The following PHF20 variants were observed in gnomAD, a reference collection of about 807,000 sequenced individuals.
PHF20 encodes the protein PHD finger protein 20.
In PHF20, 23 loss-of-function variants were observed where a neutral mutation model predicts 113.5. The ratio of observed to expected loss-of-function variants is 0.20; its 90% CI spans 0.15 to 0.29. PHF20 has a LOEUF of 0.29. Among genes scored for constraint, PHF20 ranks in the 10% least tolerant of loss-of-function variants. The pLI is 1.00. For synonymous variants in PHF20, 434 were observed against 457.3 expected (o/e 0.95, Z 0.65); for missense variants, 943 against 1,219.6 (o/e 0.77, Z 3.38).
At chr20:35,814,813 C>T (rs1432237240) in intron 2 of PHF20, among the ~76,000 whole-genome samples, 1 of 133,174 alleles carries the variant, frequency 7.5e-6, no homozygotes, top group African/African-American at 2.8e-5. Flanking sequence ...GCGGAGCTTG[C>T]AATGAGCCGA....
chr20:35,828,643 C>A (rs752486732), intron 2 of PHF20, among the ~76,000 whole-genome samples: 7 of 152,204 alleles, frequency 4.6e-5, no homozygotes, highest in Non-Finnish European at 1.0e-4. Context: ...TAGACCTGTA[C>A]TGTTCTCTGC....
At chr20:35,906,581 G>A (rs1473188730) in intron 10 of PHF20, among the ~76,000 whole-genome samples, 1 of 152,098 alleles carries the variant, frequency 6.6e-6, no homozygotes, top group Non-Finnish European at 1.5e-5. Flanking sequence ...CTTTCTCCCC[G>A]TTGTTGCCCC....
intron 1 of PHF20, among the ~76,000 whole-genome samples, chr20:35,798,262 A>G (rs758190241): frequency 6.6e-6 from 1 of 151,722 alleles, no homozygotes; most frequent in Admixed American, 6.6e-5. Context: ...CCAGATAACA[A>G]ATTAGCTGGG....
intron 10 of PHF20, among the ~76,000 whole-genome samples, chr20:35,899,878 G>T (rs1255205482): frequency 6.6e-6 from 1 of 152,140 alleles, no homozygotes; most frequent in Admixed American, 6.5e-5. Flanking sequence ...GCCTCTGAAG[G>T]CCTTGCTGCT....
At chr20:35,913,139 G>C (rs2147082498) in intron 10 of PHF20, 110 bp from the exon 11 acceptor site, 1 of 533,926 alleles carries the variant, frequency 1.9e-6, no homozygotes, top group Non-Finnish European at 3.5e-6. Context: ...ATCTGCTCCA[G>C]ACTTCCCAGG....
chr20:35,813,947 A>G (rs1049870931), intron 2 of PHF20, among the ~76,000 whole-genome samples: 7 of 150,860 alleles, frequency 4.6e-5, no homozygotes, highest in Non-Finnish European at 1.0e-4. Flanking sequence ...AAAAAAAAAA[A>G]AAAAAAAAAA....
intron 17 of PHF20, 56 bp downstream of exon 17, chr20:35,941,103 C>T (rs548218431): frequency 2.6e-5 from 38 of 1,460,474 alleles, no homozygotes; most frequent in East Asian, 9.2e-5. Context: ...CACCCCCAGA[C>T]GAGCTGCTTT....
At chr20:35,891,846 T>C (rs2054870224) in intron 9 of PHF20, among the ~76,000 whole-genome samples, 1 of 152,054 alleles carries the variant, frequency 6.6e-6, no homozygotes, top group Non-Finnish European at 1.5e-5. Context: ...TTTTTTGTTA[T>C]TCTATTTTTT....
At chr20:35,896,254 G>C (rs1240667630) in intron 9 of PHF20, among the ~76,000 whole-genome samples, 3 of 152,036 alleles carry the variant, frequency 2.0e-5, no homozygotes, top group African/African-American at 7.3e-5. Context: ...ACTTGAAAAA[G>C]TAATCATAAT....
chr20:35,777,338 A>G (rs1447252183), intron 1 of PHF20, among the ~76,000 whole-genome samples: 2 of 152,206 alleles, frequency 1.3e-5, no homozygotes, highest in Non-Finnish European at 2.9e-5. Context: ...GGAAGCAAGC[A>G]GGTTGTTTGC....
At chr20:35,828,279 T>C (rs2042298376) in intron 2 of PHF20, among the ~76,000 whole-genome samples, 1 of 152,124 alleles carries the variant, frequency 6.6e-6, no homozygotes, top group East Asian at 1.9e-4. Flanking sequence ...CCGCCTTGGC[T>C]TCTCAAAGTG....
At chr20:35,897,386 G>A (rs553916334) in intron 9 of PHF20, among the ~76,000 whole-genome samples, 1 of 151,952 alleles carries the variant, frequency 6.6e-6, no homozygotes, top group African/African-American at 2.4e-5. Flanking sequence ...GATGTATAAT[G>A]ATTAAATCAG....
At chr20:35,881,048 C>CGTTTTTT (rs2054620632) in intron 9 of PHF20, among the ~76,000 whole-genome samples, 3 of 109,756 alleles carry the variant, frequency 2.7e-5, no homozygotes, top group Non-Finnish European at 5.3e-5. Flanking sequence ...CTCTAAATAC[C>CGTTTTTT]TTTTTTTTTT....
At chr20:35,933,599 G>A (rs1374658736) in intron 15 of PHF20, among the ~76,000 whole-genome samples, 7 of 152,026 alleles carry the variant, frequency 4.6e-5, no homozygotes, top group African/African-American at 7.2e-5. Flanking sequence ...GTGTTTCACC[G>A]TGTTAGCCAG....
intron 3 of PHF20, among the ~76,000 whole-genome samples, chr20:35,843,685 C>T (rs371705831): frequency 3.3e-5 from 5 of 152,032 alleles, no homozygotes; most frequent in African/African-American, 9.7e-5. Context: ...CAGGCTCAAG[C>T]GATCTTTCCA....
At chr20:35,825,935 A>G (rs1360947113) in intron 2 of PHF20, among the ~76,000 whole-genome samples, 5 of 152,200 alleles carry the variant, frequency 3.3e-5, no homozygotes, top group African/African-American at 1.2e-4. Flanking sequence ...TATAGCCACC[A>G]CCCAAATCAA....
At chr20:35,786,963 G>T (rs971416741) in intron 1 of PHF20, among the ~76,000 whole-genome samples, 11 of 151,508 alleles carry the variant, frequency 7.3e-5, no homozygotes, top group Non-Finnish European at 1.3e-4. Context: ...TACCCATTGA[G>T]GTGGATGATA....
chr20:35,801,628 A>T, intron 2 of PHF20, 23 bp downstream of exon 2: 1 of 1,531,132 alleles, frequency 6.5e-7, no homozygotes, highest in Non-Finnish European at 9.0e-7. Context: ...TTTTCTGTTA[A>T]TTAAAGCCCT....
At chr20:35,882,046 A>G (rs2054645459) in intron 9 of PHF20, among the ~76,000 whole-genome samples, 1 of 151,574 alleles carries the variant, frequency 6.6e-6, no homozygotes, top group South Asian at 2.1e-4. Flanking sequence ...CTTGAAATAG[A>G]AATATTTATT....
Sources: gnomAD v4.1 joint callset for allele counts (sites outside exome capture counted in the v4.1 genomes callset) on GRCh38, gnomAD v4.1.1 for gene constraint, MANE v1.5 for transcripts, NCBI Gene and HGNC (gene_info 2026-07-23, HGNC 2026-07-21) for gene names.